Variants in MACF1 observed in about 807,000 individuals in gnomAD.
MACF1 encodes microtubule-actin cross-linking factor 1.
In MACF1, 193 loss-of-function variants were observed where a neutral mutation model predicts 854.8. That is an observed-to-expected ratio of 0.23 (90% confidence interval 0.20 to 0.25). The LOEUF is 0.25. Among genes scored for constraint, MACF1 ranks in the 10% least tolerant of loss-of-function variants. The probability of loss-of-function intolerance (pLI) is 1.00; values close to 1 mark genes in which losing one functional copy is unlikely to be tolerated. For missense variants in MACF1, 7,722 were observed against 8,929.1 expected, an observed-to-expected ratio of 0.86 and a Z score of 5.45; for synonymous variants, 3,185 against 3,226.7, an observed-to-expected ratio of 0.99 and a Z score of 0.44.
At chr1:39,165,626 T>C (rs1346859590) in intron 2 of MACF1, among the ~76,000 whole-genome samples, 1 of 152,256 alleles carries the variant, frequency 6.6e-6, no homozygotes, top group Non-Finnish European at 1.5e-5. Context: ...TGTTTTCTTG[T>C]CATGTAGGCA....
intron 2 of MACF1, among the ~76,000 whole-genome samples, chr1:39,180,265 C>T (rs1052406824): frequency 2.6e-5 from 4 of 152,110 alleles, no homozygotes; most frequent in African/African-American, 9.7e-5. Context: ...GTTCCCTACT[C>T]TGGTACTAAT....
chr1:39,207,117 A>G (rs1320507882), intron 1 of MACF1, among the ~76,000 whole-genome samples: 1 of 152,114 alleles, frequency 6.6e-6, no homozygotes, highest in Non-Finnish European at 1.5e-5. Context: ...CTGAACTATT[A>G]TAATAGTGAA....
Position 39,336,007 on chromosome 1 carries a change from C to T in MACF1, c.9419C>T (p.Thr3140Ile). 6.2e-7 allele frequency: 1 copy of T among 1,614,056 alleles called. No homozygotes were observed. The highest frequency in any genetic ancestry group is 8.5e-7 in the Non-Finnish European group (1 of 1,180,002). Residue 3140 changes from threonine (T) to isoleucine (I), a missense_variant, in exon 37 of 101, where the codon ACC (threonine) becomes ATC (isoleucine). Coordinates refer to ENST00000564288, the MANE Select transcript of MACF1 (RefSeq NM_001394062.1). ...SKTDKSFQGTTRQETNYQDSW... is the reference protein window; with the variant it reads ...SKTDKSFQGTIRQETNYQDSW... ...ACAGACAAGTCTTTCCAAGGAACCA[C>T]CAGACAGGAGACCAACTATCAAGAT...
At position 39,333,060 on chromosome 1, in the gene MACF1, A is replaced by G. The variant is rs765718091; in HGVS notation, c.6472A>G (p.Lys2158Glu). Residue 2158 changes from lysine (K) to glutamate (E), a missense_variant, in exon 37 of 101, where the codon AAA becomes GAA. Physicochemically the swap from Lys to Glu is moderately conservative, Grantham distance 56. Transcript: ENST00000564288. ...KDVFSVETPK[K>E]EHQPLRNTSF... ...TGTTTTTTCTGTTGAAACACCAAAG[A>G]AAGAACATCAACCTCTAAGAAACAC... 1.9e-6 allele frequency: 3 copies of G among 1,614,094 alleles called. No homozygotes were observed. The highest frequency in any genetic ancestry group is 1.7e-5 in the Admixed American group (1 of 60,024).
chr1:39,254,290 GT>G lies in MACF1; in HGVS notation c.358-5del. On this transcript the variant is annotated splice_region_variant and splice_polypyrimidine_tract_variant and intron_variant, in intron 4 of 100. Transcript: ENST00000564288. ...AGAATTAACATCCCTTTTTTTGTTT[GT>G]TTGCAGCCCCGGGAGAAGGGCAGGA... 6.2e-7 allele frequency: 1 copy of G among 1,606,048 alleles called. No homozygotes were observed. The highest frequency in any genetic ancestry group is 8.5e-7 in the Non-Finnish European group (1 of 1,177,160).
intron 66 of MACF1, 87 bp from the exon 67 acceptor site, chr1:39,432,448 C>T (rs1483444283): frequency 3.3e-6 from 4 of 1,211,768 alleles, no homozygotes; most frequent in African/African-American, 1.5e-5. Context: ...TACTGAAAAT[C>T]CAGGCCTTGC....
intron 58 of MACF1, chr1:39,412,391 TGTCTGTGGAGAAA>T: frequency 1.2e-6 from 2 of 1,614,048 alleles, no homozygotes. Context: ...ACTTGTGAAT[TGTCTGTGGAGAAA>T]GTTTGTGATG....
At chr1:39,358,916 A>G (rs1557608117) in intron 46 of MACF1, 43 bp downstream of exon 46, 3 of 1,561,022 alleles carry the variant, frequency 1.9e-6, no homozygotes, top group Admixed American at 2.1e-5. Flanking sequence ...AAGACCTTGT[A>G]TTCCATGGCG....
intron 2 of MACF1, among the ~76,000 whole-genome samples, chr1:39,123,708 T>A (rs1642780467): frequency 8.4e-6 from 1 of 118,820 alleles, no homozygotes; most frequent in Admixed American, 1.1e-4. Flanking sequence ...CCCGGCTAAT[T>A]CTTGTTTTGT....
intron 2 of MACF1, among the ~76,000 whole-genome samples, chr1:39,240,735 G>T (rs542767853): frequency 1.3e-5 from 2 of 152,174 alleles, no homozygotes; most frequent in African/African-American, 4.8e-5. Flanking sequence ...CTGATCTCAG[G>T]TGATCTGCCC....
At chr1:39,346,018 G>A (rs1409610759) in intron 40 of MACF1, among the ~76,000 whole-genome samples, 3 of 150,348 alleles carry the variant, frequency 2.0e-5, no homozygotes, top group African/African-American at 4.9e-5. Flanking sequence ...GCAATGAGCC[G>A]AGATTGTACC....
chr1:39,474,159 C>A (rs1256765939), intron 97 of MACF1, among the ~76,000 whole-genome samples: 2 of 152,002 alleles, frequency 1.3e-5, no homozygotes, highest in African/African-American at 4.8e-5. Flanking sequence ...GAGGCCGAGG[C>A]GGGCAGATCA....
intron 58 of MACF1, among the ~76,000 whole-genome samples, chr1:39,421,055 C>G (rs571342788): frequency 1.3e-5 from 2 of 151,982 alleles, no homozygotes; most frequent in African/African-American, 4.8e-5. Flanking sequence ...TTAGTAGAGA[C>G]AGGGTTTCAC....
chr1:39,296,776 G>GGAAGGAAGGAAGGAAGGA (rs1294687903), intron 20 of MACF1, among the ~76,000 whole-genome samples: 60 of 81,354 alleles, frequency 7.4e-4, no homozygotes, highest in African/African-American at 2.8e-3. Context: ...GGAAGGAAAA[G>GGAAGGAAGGAAGGAAGGA]AAAGAAAGAA....
chr1:39,205,391 G>C (rs1459402551), intron 1 of MACF1, among the ~76,000 whole-genome samples: 1 of 152,078 alleles, frequency 6.6e-6, no homozygotes, highest in Admixed American at 6.6e-5. Context: ...GTGATGACTG[G>C]GCTCAAAACT....
chr1:39,171,719 G>A (rs1443846973), intron 2 of MACF1, among the ~76,000 whole-genome samples: 6 of 152,054 alleles, frequency 3.9e-5, no homozygotes, highest in Non-Finnish European at 8.8e-5. Context: ...TCTGCCTCTC[G>A]GGTTCACGCC....
intron 47 of MACF1, among the ~76,000 whole-genome samples, 178 bp from the exon 48 acceptor site, chr1:39,360,615 T>C (rs536460936): frequency 1.9e-4 from 29 of 151,318 alleles, no homozygotes; most frequent in Middle Eastern, 3.4e-3. Context: ...AGTAGGAAGA[T>C]TGCTTAAGGC....
chr1:39,104,132 G>T (rs1368817585), intron 2 of MACF1, among the ~76,000 whole-genome samples: 1 of 152,182 alleles, frequency 6.6e-6, no homozygotes, highest in Non-Finnish European at 1.5e-5. Flanking sequence ...ATCAGCCAGT[G>T]TAACTTCTTA....
At position 39,460,333 on chromosome 1, in the gene MACF1, G is replaced by A. The variant is rs1644530040; in HGVS notation, c.21361-299G>A. Among the ~76,000 whole-genome samples, 1 of 152,234 alleles carries A rather than the reference G, an allele frequency of 6.6e-6. No individual in the cohort carries two copies. The highest frequency in any genetic ancestry group is 2.1e-4 in the South Asian group (1 of 4,834). On this transcript the variant is annotated intron_variant, in intron 91 of 100. Transcript: ENST00000564288. The surrounding 1 kb of genome is among the most constrained non-coding windows in gnomAD (Gnocchi z 4.1). ...ATCTAAGAGAGTGATCCTTTGAAAA[G>A]CCCAAAGGGAAAGCAAGGCTGGCTT... is the stretch of plus-strand genomic sequence containing the variant.
Sources: allele counts gnomAD v4.1 joint callset (sites outside exome capture counted in the v4.1 genomes callset), GRCh38; gene constraint gnomAD v4.1.1; non-coding constraint Gnocchi (gnomAD v3.1); transcripts MANE v1.5; gene names NCBI Gene and HGNC (gene_info 2026-07-23, HGNC 2026-07-21).